BAP1: variants seen among roughly 807,000 people sequenced by gnomAD.
BAP1 encodes the protein ubiquitin carboxyl-terminal hydrolase BAP1.
Under a neutral mutation model 77.2 loss-of-function variants are expected in BAP1, and 16 were observed. The ratio of observed to expected loss-of-function variants is 0.21; its 90% CI spans 0.14 to 0.31. BAP1 has a LOEUF of 0.31. Ranked by LOEUF, BAP1 falls within the 10% of genes least tolerant of loss-of-function variation. The pLI, the probability that BAP1 is intolerant of heterozygous loss-of-function variation, is 1.00. For missense variants in BAP1, 699 were observed against 967.3 expected, an observed-to-expected ratio of 0.72 and a Z score of 3.68; for synonymous variants, 362 against 385.2, an observed-to-expected ratio of 0.94 and a Z score of 0.71.
chr3:52,406,289 C>A lies in BAP1; in HGVS notation c.747G>T (p.Lys249Asn), dbSNP rs1553645603. 4 of 1,614,204 alleles carry A rather than the reference C, an allele frequency of 2.5e-6. No homozygotes were observed. Residue 249 changes from lysine (K) to asparagine (N), a missense_variant, in exon 9 of 17, where the codon AAG becomes AAT. Lys to Asn is a moderately conservative substitution (Grantham distance 94). This residue lies in a region of BAP1 where 475 missense variants were observed against 532.4 expected (regional missense o/e 0.89). Coordinates refer to ENST00000460680, the MANE Select transcript of BAP1 (RefSeq NM_004656.4). This position sits in a 1 kb window ranked among gnomAD's most constrained non-coding sequence, Gnocchi z 4.6. ...CCTCTAGTACTGTCTGACGGTTCAC[C>A]TTCAGCACATGCAGCCTGGCCTCAT... ...IKYEARLHVL[K>N]VNRQTVLEAL...
Position 52,404,531 on chromosome 3 carries a change from G to T in BAP1, c.1172C>A (p.Pro391His). The change falls in exon 12 of 17, where the codon CCC becomes CAC. Residue 391 changes from proline (P) to histidine (H), a missense_variant. By Grantham distance (77) the Pro-to-His change is moderately conservative. Transcript: ENST00000460680. Reference sequence around the variant, plus strand: ...ATCCTCATCATCTGAGTACTGCTGGGGTGGGCGGACTGGAACTCGGCTGCG... The same window carrying T: ...ATCCTCATCATCTGAGTACTGCTGGTGTGGGCGGACTGGAACTCGGCTGCG... The part of the protein sequence containing the change: ...VGRSRVPVRP[P>H]QQYSDDEDDY... 6.2e-7 allele frequency: 1 copy of T among 1,614,080 alleles called. No individual in the cohort carries two copies. The highest frequency in any genetic ancestry group is 8.5e-7 in the Non-Finnish European group (1 of 1,180,026).
chr3:52,409,786 G>A (rs1705311647), intron 1 of BAP1, 43 bp from the exon 2 acceptor site: 4 of 1,613,052 alleles, frequency 2.5e-6, no homozygotes, highest in Non-Finnish European at 3.4e-6. Context: ...TCAGGCAGGC[G>A]CGTCCCGGGC....
rs1298183948 is a variant in BAP1, at chr3:52,401,805, C to T, written c.*483G>A. 5 of 262,204 alleles carry T rather than the reference C, an allele frequency of 1.9e-5. No individual in the cohort carries two copies. Among genetic ancestry groups the T allele is most frequent in the African/African-American group, 1.1e-4 (5 of 45,982 alleles). 16.2% of individuals were successfully genotyped at this position (262,204 alleles called of 1,614,324 possible). On this transcript the variant is annotated 3_prime_UTR_variant, in exon 17 of 17. Transcript: ENST00000460680. ...GGCTAGAGCAGCAGGGCCCAGAGCC[C>T]AGGGCCCACCCAGGCCCCCAGCTAG...
In BAP1 at chr3:52,404,490, CGTCATCCTCATA is replaced by C. The variant is rs776606194; in HGVS notation, c.1201_1212del (p.Tyr401_Asp404del). On this transcript the variant is annotated inframe_deletion, in exon 12 of 17. Transcript: ENST00000460680. ...TTGGTGTTCTGCACGTCATCCTCCT[CGTCATCCTCATA>C]GTCATCCTCATCATCTGAGTACTGC... The C allele has an allele frequency of 2.4e-5, 38 of 1,614,190 alleles. No homozygotes were observed. In the Admixed American group the frequency reaches 4.5e-4, roughly 19 times the overall value.
At position 52,404,294 on chromosome 3, in the gene BAP1, G is replaced by A. The variant is rs369419169; in HGVS notation, c.1250+159C>T. ...CCCAGCCCACCAAAAACTTCCTGGGGACCTGGGGTCAGCCCCATCATGCCA... is the reference window on the plus strand; with the variant it reads ...CCCAGCCCACCAAAAACTTCCTGGGAACCTGGGGTCAGCCCCATCATGCCA... On this transcript the variant is annotated intron_variant, in intron 12 of 16. Coordinates refer to ENST00000460680, the MANE Select transcript of BAP1 (RefSeq NM_004656.4). Among the ~76,000 whole-genome samples the A allele has an allele frequency of 4.6e-5, 7 of 152,312 alleles. No homozygotes were observed. In the East Asian group the frequency reaches 1.3e-3, roughly 29 times the overall value.
chr3:52,407,108 C>T (rs1168020817), intron 7 of BAP1, 66 bp downstream of exon 7: 1 of 1,609,354 alleles, frequency 6.2e-7, no homozygotes, highest in African/African-American at 1.3e-5. Context: ...ACCAGAGGGC[C>T]CTGAGCCCCA....
intron 4 of BAP1, 95 bp downstream of exon 4, chr3:52,408,379 G>A (rs2153228213): frequency 6.5e-7 from 1 of 1,532,152 alleles, no homozygotes; most frequent in Non-Finnish European, 8.9e-7. Context: ...CCTAGAATCT[G>A]CCTATCTCCT....
chr3:52,407,049 GCCAGAGCCGGGTGTCGGTACCGACAAC>G (rs1705187304), intron 7 of BAP1, 98 bp downstream of exon 7: 1 of 1,531,392 alleles, frequency 6.5e-7, no homozygotes, highest in African/African-American at 1.4e-5. Context: ...TGAAACCCCA[GCCAGAGCCGGGTGTCGGTACCGACAAC>G]CCCTGCCACT....
chr3:52,406,950 G>T lies in BAP1; in HGVS notation c.581-43C>A, dbSNP rs897581064. The T allele has an allele frequency of 1.3e-6, 2 of 1,552,188 alleles. No homozygotes were observed. Among genetic ancestry groups the T allele is most frequent in the South Asian group, 1.2e-5 (1 of 84,656 alleles). On this transcript the variant is annotated intron_variant, in intron 7 of 16. Transcript: ENST00000460680. This position sits in a 1 kb window ranked among gnomAD's most constrained non-coding sequence, Gnocchi z 4.6. The stretch of plus-strand genomic sequence containing the variant: ...AAGGAATCAGCGAGAAGGAAACCCT[G>T]AGTTTGGGCAGGCCAGGAGTGGGAA...
Position 52,403,036 on chromosome 3 carries a change from C to G in BAP1, c.1890+102G>C, listed in dbSNP as rs1394649807. 3 of 1,598,900 alleles carry G rather than the reference C, an allele frequency of 1.9e-6. No individual in the cohort carries two copies. Among genetic ancestry groups the G allele is most frequent in the Non-Finnish European group, 2.5e-6 (3 of 1,177,244 alleles). Reference sequence around the variant, plus strand: ...CTGGCACATGGCTCCAGCCACCAATCTTCACACCAAAGTTCCAATCAAGAA... The same window carrying G: ...CTGGCACATGGCTCCAGCCACCAATGTTCACACCAAAGTTCCAATCAAGAA... On this transcript the variant is annotated intron_variant, in intron 14 of 16. Transcript: ENST00000460680. This position sits in a 1 kb window ranked among gnomAD's most constrained non-coding sequence, Gnocchi z 4.0.
At position 52,402,216 on chromosome 3, in the gene BAP1, A is replaced by G; in HGVS notation, c.*72T>C. 5.1e-6 allele frequency: 8 copies of G among 1,561,022 alleles called. No homozygotes were observed. The highest frequency in any genetic ancestry group is 6.9e-6 in the Non-Finnish European group (8 of 1,155,062). On this transcript the variant is annotated 3_prime_UTR_variant, in exon 17 of 17. Coordinates refer to ENST00000460680, the MANE Select transcript of BAP1 (RefSeq NM_004656.4). This position sits in a 1 kb window ranked among gnomAD's most constrained non-coding sequence, Gnocchi z 5.3. The stretch of plus-strand genomic sequence containing the variant: ...TATTCAGTAATACTGGGAAAAGGGG[A>G]AGTGGGGCAGGGAAGGACCCTGGTG...
rs771004531 is a variant in BAP1 at position 52,405,832 on chromosome 3, G to A, written c.864C>T (p.Ala288=). 13 of 1,613,970 alleles carry A rather than the reference G, an allele frequency of 8.1e-6. No individual in the cohort carries two copies. The South Asian group carries it at 1.4e-4, about 18-fold the overall frequency. The change falls in exon 10 of 17, where the codon GCC becomes GCT. Residue 288 remains alanine, a synonymous_variant. Coordinates refer to ENST00000460680, the MANE Select transcript of BAP1 (RefSeq NM_004656.4). ...ESQLPEESKS[A]SNKSPLVLEA... ...CCAGCACCAGCGGGGACTTGTTGCT[G>A]GCTGACTTGGACTCCTCAGGCAGCT...
intron 3 of BAP1, 26 bp downstream of exon 3, chr3:52,409,528 G>T (rs183732845): frequency 6.2e-7 from 1 of 1,614,052 alleles, no homozygotes; most frequent in Non-Finnish European, 8.5e-7. Context: ...GGGTGTAAGG[G>T]GCAGCCCTGG....
At position 52,409,766 on chromosome 3, in the gene BAP1, G is replaced by C. The variant is rs760791858; in HGVS notation, c.38-23C>G. 26 of 1,613,558 alleles carry C rather than the reference G, an allele frequency of 1.6e-5. No individual in the cohort carries two copies. In the African/African-American group the frequency reaches 2.0e-4, roughly 12 times the overall value. On this transcript the variant is annotated intron_variant, in intron 1 of 16. Transcript: ENST00000460680. ...GGCCTGGGTGGGGCGACAAGAGGAG[G>C]GGGTGATGGTCAGGCAGGCGCGTCC...
At chr3:52,405,388 G>A (rs1705118565) in intron 10 of BAP1, 94 bp from the exon 11 acceptor site, 31 of 1,437,280 alleles carry the variant, frequency 2.2e-5, no homozygotes, top group African/African-American at 2.9e-5. Context: ...ACTTCCCAGA[G>A]AAGAACAGCC....
At position 52,401,545 on chromosome 3, in the gene BAP1, G is replaced by A. The variant is rs1417140557; in HGVS notation, c.*743C>T. ...GCGAAGAGCCCTAGAACCTTGCTAT[G>A]GAGAGCAGTCTTGAACAGCCTGGCT... On this transcript the variant is annotated 3_prime_UTR_variant, in exon 17 of 17. Coordinates refer to ENST00000460680, the MANE Select transcript of BAP1 (RefSeq NM_004656.4). 4.3e-6 allele frequency: 1 copy of A among 233,854 alleles called. No individual in the cohort carries two copies. Among genetic ancestry groups the A allele is most frequent in the Non-Finnish European group, 8.5e-6 (1 of 118,306 alleles). 14.5% of individuals were successfully genotyped at this position (233,854 alleles called of 1,614,324 possible). A position where few individuals can be genotyped will look rare whatever the true frequency, so the allele number is the denominator to read the frequency against.
intron 3 of BAP1, 99 bp from the exon 4 acceptor site, chr3:52,408,705 C>G (rs1705246519): frequency 7.0e-7 from 1 of 1,419,394 alleles, no homozygotes; most frequent in Non-Finnish European, 9.6e-7. Context: ...CGTCATCACT[C>G]AGGTGTCCTT....
Position 52,408,502 on chromosome 3 carries a change from A to G in BAP1, c.227T>C (p.Ile76Thr), listed in dbSNP as rs1221534458. 5 of 1,612,230 alleles carry G rather than the reference A, an allele frequency of 3.1e-6. No homozygotes were observed. Among genetic ancestry groups the G allele is most frequent in the Non-Finnish European group, 4.2e-6 (5 of 1,179,348 alleles). The change falls in exon 4 of 17, where the codon ATT becomes ACT. Residue 76 changes from isoleucine (I) to threonine (T), a missense_variant. By Grantham distance (89) the Ile-to-Thr change is moderately conservative. Transcript: ENST00000460680. ...VDDTSVIDDD[I>T]VNNMFFAHQL... ...GTGGGCAAAGAACATGTTATTCACA[A>G]TATCATCATCAATCACGGACGTATC...
At position 52,406,817 on chromosome 3, in the gene BAP1, C is replaced by T; in HGVS notation, c.659+12G>A. The T allele has an allele frequency of 6.4e-7, 1 of 1,553,964 alleles. No homozygotes were observed. Among genetic ancestry groups the T allele is most frequent in the South Asian group, 1.2e-5 (1 of 84,248 alleles). On this transcript the variant is annotated intron_variant, in intron 8 of 16. Transcript: ENST00000460680. This position sits in a 1 kb window ranked among gnomAD's most constrained non-coding sequence, Gnocchi z 4.6. ...TCCAGAGAGTAGAACAGGGCAGGCA[C>T]AGGGCCCTTACCCTGCAGTGGCGAG...
Sources: gnomAD v4.1 joint callset for allele counts (sites outside exome capture counted in the v4.1 genomes callset) on GRCh38, gnomAD v4.1.1 for gene constraint, gnomAD v4.1.1 regional missense constraint, Gnocchi (gnomAD v3.1) non-coding constraint, MANE v1.5 for transcripts, NCBI Gene and HGNC (gene_info 2026-07-23, HGNC 2026-07-21) for gene names.